The following PDZD2 variants were observed in gnomAD, a reference collection of about 807,000 sequenced individuals.
PDZD2 encodes PDZ domain containing 2.
Under a neutral mutation model 220.7 loss-of-function variants are expected in PDZD2, and 90 were observed. The observed-to-expected ratio is 0.41, with a 90% confidence interval of 0.34 to 0.49. PDZD2 has a LOEUF of 0.49. PDZD2 is among the 20% of genes least tolerant of loss of function. The pLI is 0.28. For synonymous variants in PDZD2, 1,375 were observed against 1,450.5 expected, an observed-to-expected ratio of 0.95 and a Z score of 1.18; for missense variants, 3,174 against 3,608.5, an observed-to-expected ratio of 0.88 and a Z score of 3.08.
rs1037935777 is a variant in PDZD2 at position 31,951,626 on chromosome 5, C to T, written c.477-31529C>T. On this transcript the variant is annotated intron_variant, in intron 2 of 24. Transcript: ENST00000438447. Reference sequence around the variant, plus strand: ...TTCAGTAATCCATTCCTTTTAATTGCTGAATAGTATTCCTTTGTATACATG... The same window carrying T: ...TTCAGTAATCCATTCCTTTTAATTGTTGAATAGTATTCCTTTGTATACATG... Among the ~76,000 whole-genome samples, 36 of 152,308 alleles carry T rather than the reference C, an allele frequency of 2.4e-4. 1 individual carries two copies. The highest frequency in any genetic ancestry group is 8.4e-4 in the African/African-American group (35 of 41,568).
chr5:31,951,937 T>C (rs1222399248), intron 2 of PDZD2, among the ~76,000 whole-genome samples: 1 of 152,214 alleles, frequency 6.6e-6, no homozygotes, highest in Non-Finnish European at 1.5e-5. Context: ...TTTTTGTCTA[T>C]TTTTTGTTTT....
chr5:31,740,688 A>G (rs10073756), intron 1 of PDZD2, among the ~76,000 whole-genome samples: 36,043 of 151,928 alleles, frequency 0.24, 4,441 homozygotes, highest in Non-Finnish European at 0.25. Flanking sequence ...GATCTTGGCT[A>G]TTGTTTGTGG....
intron 2 of PDZD2, among the ~76,000 whole-genome samples, chr5:31,871,281 G>A (rs1738768239): frequency 6.6e-6 from 1 of 152,130 alleles, no homozygotes; most frequent in African/African-American, 2.4e-5. Flanking sequence ...GTTTTCAGCT[G>A]TCACCTAATT....
rs931438877 is a variant in PDZD2, at chr5:32,089,074, G to A, written c.5626G>A (p.Gly1876Ser). The A allele has an allele frequency of 2.5e-6, 4 of 1,613,626 alleles. No homozygotes were observed. The highest frequency in any genetic ancestry group is 1.6e-4 in the Middle Eastern group (1 of 6,082). Reference protein sequence around the residue: ...KSPAEMLLTNGQKAKCGPKLK... With the variant: ...KSPAEMLLTNSQKAKCGPKLK... ...TCCGGCAGAAATGCTTCTGACTAAT[G>A]GTCAGAAGGCAAAGTGTGGTCCGAA... Residue 1876 changes from glycine to serine, a missense_variant, in exon 20 of 25, where the codon GGT (glycine) becomes AGT (serine). Physicochemically the swap from Gly to Ser is moderately conservative, Grantham distance 56 (BLOSUM62 0). Coordinates refer to ENST00000438447, the MANE Select transcript of PDZD2 (RefSeq NM_178140.4).
intron 5 of PDZD2, among the ~76,000 whole-genome samples, chr5:32,005,014 C>T (rs1185502611): frequency 2.0e-5 from 3 of 152,000 alleles, no homozygotes; most frequent in African/African-American, 7.3e-5. Flanking sequence ...GCTACAGCAG[C>T]TGCCTGCTGC....
intron 1 of PDZD2, among the ~76,000 whole-genome samples, chr5:31,796,699 A>ATGAATTC (rs1310521406): frequency 2.0e-5 from 3 of 152,166 alleles, no homozygotes; most frequent in Admixed American, 2.0e-4. Flanking sequence ...CCACTAGACT[A>ATGAATTC]TGAATTCCTA....
chr5:32,089,129 C>T lies in PDZD2; in HGVS notation c.5681C>T (p.Ala1894Val). The T allele has an allele frequency of 1.2e-6, 2 of 1,614,088 alleles. No homozygotes were observed. Among genetic ancestry groups the T allele is most frequent in the Non-Finnish European group, 8.5e-7 (1 of 1,179,986 alleles). The change falls in exon 20 of 25, where the codon GCC becomes GTC. Residue 1894 changes from alanine to valine, a missense_variant. Ala to Val is a moderately conservative substitution (Grantham distance 64). Coordinates refer to ENST00000438447, the MANE Select transcript of PDZD2 (RefSeq NM_178140.4). ...KLKRLSLKGKAKVNSEAPAAN... is the reference protein window; with the variant it reads ...KLKRLSLKGKVKVNSEAPAAN... ...AAGAGGCTCAGCCTCAAGGGCAAGG[C>T]CAAAGTCAACTCTGAGGCCCCTGCT...
At chr5:31,972,084 C>T (rs1701090190) in intron 2 of PDZD2, among the ~76,000 whole-genome samples, 3 of 152,208 alleles carry the variant, frequency 2.0e-5, no homozygotes, top group Non-Finnish European at 4.4e-5. Context: ...TTCAACCTGA[C>T]TTCCAACCCT....
intron 21 of PDZD2, among the ~76,000 whole-genome samples, chr5:32,095,220 AC>A (rs1158736376): frequency 5.3e-5 from 8 of 152,052 alleles, no homozygotes; most frequent in Non-Finnish European, 8.8e-5. Flanking sequence ...GGCCTTCCTC[AC>A]CCCCTACTAC....
At chr5:31,959,077 C>T (rs1005132446) in intron 2 of PDZD2, among the ~76,000 whole-genome samples, 5 of 151,706 alleles carry the variant, frequency 3.3e-5, no homozygotes, top group Non-Finnish European at 7.4e-5. Flanking sequence ...GGACTACAAG[C>T]GTGTGCCACC....
At chr5:31,964,113 G>A (rs1016671242) in intron 2 of PDZD2, among the ~76,000 whole-genome samples, 2 of 152,252 alleles carry the variant, frequency 1.3e-5, no homozygotes, top group Non-Finnish European at 2.9e-5. Context: ...ACCACAGAAC[G>A]TGTTTGGACC....
At chr5:31,922,404 AT>A (rs571830193) in intron 2 of PDZD2, among the ~76,000 whole-genome samples, 12 of 152,048 alleles carry the variant, frequency 7.9e-5, no homozygotes, top group African/African-American at 2.4e-4. Context: ...TTATATGTAT[AT>A]TTTTTTTATC....
At chr5:31,824,298 T>G (rs1213048117) in intron 2 of PDZD2, among the ~76,000 whole-genome samples, 1 of 152,220 alleles carries the variant, frequency 6.6e-6, no homozygotes, top group Non-Finnish European at 1.5e-5. Flanking sequence ...AAATGGGTAT[T>G]GCTCCAAAGC....
Position 32,109,798 on chromosome 5 carries a change from A to ACAT in PDZD2, c.*1670_*1672dup, listed in dbSNP as rs996785927. On this transcript the variant is annotated 3_prime_UTR_variant, in exon 25 of 25. Coordinates refer to ENST00000438447, the MANE Select transcript of PDZD2 (RefSeq NM_178140.4). ...GAGGGGCTTTAGCCATCAGCTTTGT[A>ACAT]CATCATCATTTTTCTGAATGACCAA... The ACAT allele has an allele frequency of 2.0e-5, 3 of 152,590 alleles. No homozygotes were observed. The highest frequency in any genetic ancestry group is 6.5e-5 in the Admixed American group (1 of 15,278). The allele number at this position is 152,590 out of a possible 1,614,324, so 9.5% of individuals were successfully genotyped here.
chr5:31,655,901 T>G (rs1015940609), intron 1 of PDZD2, among the ~76,000 whole-genome samples: 1 of 152,238 alleles, frequency 6.6e-6, no homozygotes, highest in Non-Finnish European at 1.5e-5. Context: ...TCCATTAGTC[T>G]CAAAACTTAA....
chr5:31,914,120 C>G (rs1320548268), intron 2 of PDZD2, among the ~76,000 whole-genome samples: 1 of 152,030 alleles, frequency 6.6e-6, no homozygotes, highest in African/African-American at 2.4e-5. Flanking sequence ...TAATGAAATT[C>G]TCTGCTCAAG....
chr5:31,974,480 A>G (rs1281969065), intron 2 of PDZD2, among the ~76,000 whole-genome samples: 1 of 152,248 alleles, frequency 6.6e-6, no homozygotes. Context: ...ATGTTGGGGA[A>G]AAGACCAATT....
In PDZD2 at chr5:32,110,143, C is replaced by CTTT. The variant is rs1745242425; in HGVS notation, c.*2010_*2012dup. The CTTT allele has an allele frequency of 6.6e-6, 1 of 152,586 alleles. No homozygotes were observed. The highest frequency in any genetic ancestry group is 1.5e-5 in the Non-Finnish European group (1 of 68,038). The allele number at this position is 152,586 out of a possible 1,614,324, so 9.5% of individuals were successfully genotyped here. On this transcript the variant is annotated 3_prime_UTR_variant, in exon 25 of 25. Coordinates refer to ENST00000438447, the MANE Select transcript of PDZD2 (RefSeq NM_178140.4). The stretch of plus-strand genomic sequence containing the variant: ...TTCAAGTCAACAACACTGAAAACTG[C>CTTT]TTTTCGCCTCCACTCTTACAGCTGT...
chr5:31,991,730 T>C (rs1396631276), intron 3 of PDZD2, among the ~76,000 whole-genome samples: 1 of 152,168 alleles, frequency 6.6e-6, no homozygotes, highest in Non-Finnish European at 1.5e-5. Context: ...CAAATACCTT[T>C]AAAACTGACA....
Sources: allele counts gnomAD v4.1 joint callset (sites outside exome capture counted in the v4.1 genomes callset), GRCh38; gene constraint gnomAD v4.1.1; transcripts MANE v1.5; gene names NCBI Gene and HGNC (gene_info 2026-07-23, HGNC 2026-07-21).